The following FCMR variants were observed in gnomAD, a reference collection of about 807,000 sequenced individuals.
FCMR encodes Fc mu receptor, also known as immunoglobulin mu Fc receptor.
FCMR carries 34 observed loss-of-function variants against 41.6 expected under a neutral mutation model. The observed-to-expected ratio is 0.82, with a 90% confidence interval of 0.62 to 1.09. The LOEUF (loss-of-function observed/expected upper bound fraction) is 1.09, where lower values mean the gene tolerates loss of function less well. FCMR is among the 50% of genes least tolerant of loss of function. FCMR has a pLI of 0.00. For synonymous variants in FCMR, 209 were observed against 211.8 expected, an observed-to-expected ratio of 0.99 and a Z score of 0.12; for missense variants, 496 against 512.5, an observed-to-expected ratio of 0.97 and a Z score of 0.31.
intron 7 of FCMR, chr1:206,906,166 G>A: frequency 1.9e-6 from 1 of 517,226 alleles, no homozygotes; most frequent in Non-Finnish European, 3.9e-6. Context: ...TCCCAGAACA[G>A]CTCAAGATGT....
chr1:206,918,780 G>A (rs1284606980), intron 1 of FCMR, among the ~76,000 whole-genome samples: 1 of 151,190 alleles, frequency 6.6e-6, no homozygotes, highest in African/African-American at 2.4e-5. Context: ...AGCTCACACT[G>A]CATGACACTG....
chr1:206,910,328 A>T lies in FCMR; in HGVS notation c.723T>A (p.Tyr241Ter). 1 of 1,567,696 alleles carries T rather than the reference A, an allele frequency of 6.4e-7. No individual in the cohort carries two copies. Among genetic ancestry groups the T allele is most frequent in the African/African-American group, 1.4e-5 (1 of 73,708 alleles). Residue 241 changes from tyrosine to a stop codon, truncating the protein, a stop_gained, in exon 5 of 8, where the codon TAT (tyrosine) becomes TAA (stop). Transcript: ENST00000367091. LOFTEE classifies it high-confidence loss of function. Reference protein sequence around the residue: ...TRLHRQRALDYGSQSGREGQG... With the variant: ...TRLHRQRALD ...GGCCTTCCCTCCCAGACTGTGAGCC[A>T]TAGTCCAGTGCTCTGGGGAGGGAAG...
Position 206,909,766 on chromosome 1 carries a change from T to G in FCMR, c.944A>C (p.Tyr315Ser). ...ACGAGCGCGCCGCGGGCAGGCGCTG[T>G]AGATGTTGTTTTGGGAGCGCGGTCG... ...SPRPRSQNNIYSACPRRARGA... is the reference protein window; with the variant it reads ...SPRPRSQNNISSACPRRARGA... Residue 315 changes from tyrosine to serine, a missense_variant, in exon 6 of 8, where the codon TAC (tyrosine) becomes TCC (serine). Physicochemically the swap from Tyr to Ser is moderately radical, Grantham distance 144 (BLOSUM62 -2). Coordinates refer to ENST00000367091, the MANE Select transcript of FCMR (RefSeq NM_005449.5). The surrounding 1 kb of genome is among the most constrained non-coding windows in gnomAD (Gnocchi z 5.0). The G allele has an allele frequency of 6.8e-7, 1 of 1,464,166 alleles. No homozygotes were observed. The highest frequency in any genetic ancestry group is 3.0e-5 in the East Asian group (1 of 33,596). 90.7% of individuals were successfully genotyped at this position (1,464,166 alleles called of 1,614,324 possible).
rs1310427165 is a variant in FCMR at position 206,909,527 on chromosome 1, A to C, written c.986-7T>G. On this transcript the variant is annotated splice_region_variant and splice_polypyrimidine_tract_variant and intron_variant, in intron 6 of 7. Coordinates refer to ENST00000367091, the MANE Select transcript of FCMR (RefSeq NM_005449.5). The surrounding 1 kb of genome is among the most constrained non-coding windows in gnomAD (Gnocchi z 5.0). The stretch of plus-strand genomic sequence containing the variant: ...ACGGGGGCCTCCCCTGTGCCTAGGG[A>C]ACAGCGAGGGCGAGGTGAGGCGGCG... The C allele has an allele frequency of 1.3e-5, 17 of 1,325,920 alleles. No individual in the cohort carries two copies. Among genetic ancestry groups the C allele is most frequent in the Non-Finnish European group, 1.6e-5 (17 of 1,041,520 alleles). 82.1% of individuals were successfully genotyped at this position (1,325,920 alleles called of 1,614,324 possible). A position where few individuals can be genotyped will look rare whatever the true frequency, so the allele number is the denominator to read the frequency against.
intron 1 of FCMR, among the ~76,000 whole-genome samples, chr1:206,920,003 A>G (rs529573743): frequency 4.1e-4 from 63 of 152,380 alleles, no homozygotes; most frequent in Non-Finnish European, 1.3e-4. Flanking sequence ...CATAATAGGA[A>G]GCCACTTTAA....
chr1:206,910,191 C>T lies in FCMR; in HGVS notation c.841+19G>A. The T allele has an allele frequency of 1.9e-6, 3 of 1,584,604 alleles. 1 individual carries two copies. The highest frequency in any genetic ancestry group is 2.4e-5 in the South Asian group (2 of 85,070). The stretch of plus-strand genomic sequence containing the variant: ...TCTTTGGGCAGCTCAGCTCTCCCTA[C>T]CGAAGCCCAGCCGCTCACCTTTCCT... On this transcript the variant is annotated intron_variant, in intron 5 of 7. Transcript: ENST00000367091.
At position 206,911,825 on chromosome 1, in the gene FCMR, C is replaced by T. The variant is rs564528363; in HGVS notation, c.615G>A (p.Leu205=). 1 of 1,611,966 alleles carries T rather than the reference C, an allele frequency of 6.2e-7. No homozygotes were observed. Among genetic ancestry groups the T allele is most frequent in the Admixed American group, 1.7e-5 (1 of 59,594 alleles). The part of the protein sequence containing the change: ...SVAGDKPRTF[L]PSTTASKISA... ...AGATTTTTGAGGCTGTAGTGGATGG[C>T]AGGAAGGTTCGGGGCTTGTCACCTG... Residue 205 remains leucine (L), a synonymous_variant, in exon 4 of 8, where the codon CTG becomes CTA. Transcript: ENST00000367091.
intron 7 of FCMR, among the ~76,000 whole-genome samples, chr1:206,906,639 GTCATT>G (rs1210736278): frequency 6.6e-6 from 1 of 152,140 alleles, no homozygotes; most frequent in Non-Finnish European, 1.5e-5. Flanking sequence ...ATAATAATGA[GTCATT>G]AAGCATAGGC....
At chr1:206,908,122 A>C in intron 7 of FCMR, 1 of 1,253,856 alleles carries the variant, frequency 8.0e-7, no homozygotes. Flanking sequence ...GTTCCACTAC[A>C]GGAAGAAGAA....
At chr1:206,910,081 C>T (rs1483645239) in intron 5 of FCMR, 129 bp downstream of exon 5, 13 of 1,223,116 alleles carry the variant, frequency 1.1e-5, no homozygotes, top group Middle Eastern at 2.9e-4. Flanking sequence ...CCCCCACTTC[C>T]CTAACTTCCC....
chr1:206,907,938 C>A, intron 7 of FCMR: 1 of 1,300,186 alleles, frequency 7.7e-7, no homozygotes, highest in Non-Finnish European at 1.1e-6. Flanking sequence ...TGTTTGACGG[C>A]ATCCTACTGC....
At chr1:206,910,548 GT>G (rs1281807467) in intron 4 of FCMR, among the ~76,000 whole-genome samples, 1 of 152,204 alleles carries the variant, frequency 6.6e-6, no homozygotes, top group African/African-American at 2.4e-5. Flanking sequence ...TTTACTGGTT[GT>G]GTGATCTCGA....
At position 206,907,931 on chromosome 1, in the gene FCMR, T is replaced by C. The variant is rs570212974; in HGVS notation, c.1044+1531A>G. The stretch of plus-strand genomic sequence containing the variant: ...GCCGCCCTGGACCACCTCAAGGTGT[T>C]TGACGGCATCCTACTGCCCTACGAC... On this transcript the variant is annotated intron_variant, in intron 7 of 7. Coordinates refer to ENST00000367091, the MANE Select transcript of FCMR (RefSeq NM_005449.5). 8.0e-5 allele frequency: 103 copies of C among 1,283,130 alleles called. No individual in the cohort carries two copies. In the Admixed American group the frequency reaches 1.7e-3, roughly 21 times the overall value. 79.5% of individuals were successfully genotyped at this position (1,283,130 alleles called of 1,614,324 possible).
At position 206,918,022 on chromosome 1, in the gene FCMR, G is replaced by C. The variant is rs77003052; in HGVS notation, c.37+3796C>G. Among the ~76,000 whole-genome samples the C allele has an allele frequency of 1.0e-3, 155 of 152,230 alleles. 1 individual carries two copies. The East Asian group carries it at 0.021, about 21-fold the overall frequency. Reference sequence around the variant, plus strand: ...ATCAGTCATCAAATTCGCTAAATCAGATTCACTTCCATACCTCCCAATTTC... The same window carrying C: ...ATCAGTCATCAAATTCGCTAAATCACATTCACTTCCATACCTCCCAATTTC... On this transcript the variant is annotated intron_variant, in intron 1 of 7. Coordinates refer to ENST00000367091, the MANE Select transcript of FCMR (RefSeq NM_005449.5).
intron 4 of FCMR, among the ~76,000 whole-genome samples, chr1:206,911,398 G>GA (rs1181929448): frequency 6.6e-6 from 1 of 152,110 alleles, no homozygotes; most frequent in Non-Finnish European, 1.5e-5. Flanking sequence ...ACAGTAAAAG[G>GA]AAATGGGTGA....
rs1171552638 is a variant in FCMR, at chr1:206,921,898, G to A, written c.-44C>T. 1.9e-6 allele frequency: 3 copies of A among 1,578,858 alleles called. No homozygotes were observed. The highest frequency in any genetic ancestry group is 1.7e-5 in the Admixed American group (1 of 59,734). ...AGGTCCATCCAAGAGCCCCTAGAGA[G>A]GGGGATGGAGACACGCTGCTTACTC... On this transcript the variant is annotated 5_prime_UTR_variant, in exon 1 of 8. Transcript: ENST00000367091.
intron 1 of FCMR, among the ~76,000 whole-genome samples, chr1:206,917,483 T>A (rs954861516): frequency 5.9e-5 from 9 of 152,234 alleles, no homozygotes; most frequent in African/African-American, 9.6e-5. Context: ...CCCCTCCACC[T>A]GTATCCTGAG....
At position 206,911,903 on chromosome 1, in the gene FCMR, G is replaced by T; in HGVS notation, c.537C>A (p.Ser179=). The change falls in exon 4 of 8, where the codon TCC becomes TCA. Residue 179 remains serine, a synonymous_variant. Coordinates refer to ENST00000367091, the MANE Select transcript of FCMR (RefSeq NM_005449.5). ...RGKVPPVHHS[S]PTTQITHRPR... The stretch of plus-strand genomic sequence containing the variant: ...GGCGGTGGGTGATTTGGGTGGTGGG[G>T]GAGGAGTGGTGAACTGGAGGGACCT... 1 of 1,605,700 alleles carries T rather than the reference G, an allele frequency of 6.2e-7. No homozygotes were observed. The highest frequency in any genetic ancestry group is 8.5e-7 in the Non-Finnish European group (1 of 1,177,512).
intron 2 of FCMR, 135 bp from the exon 3 acceptor site, chr1:206,913,177 G>A: frequency 1.4e-6 from 1 of 706,270 alleles, no homozygotes; most frequent in Non-Finnish European, 2.5e-6. Context: ...AGCAGAGAAG[G>A]AGCTGGGTTG....
Sources: gnomAD v4.1 joint callset for allele counts (sites outside exome capture counted in the v4.1 genomes callset) on GRCh38, gnomAD v4.1.1 for gene constraint, Gnocchi (gnomAD v3.1) non-coding constraint, MANE v1.5 for transcripts, NCBI Gene and HGNC (gene_info 2026-07-23, HGNC 2026-07-21) for gene names.